CNTNAP2: variants seen among roughly 807,000 people sequenced by gnomAD.
The protein encoded by CNTNAP2 is contactin associated protein 2.
Under a neutral mutation model 155.2 loss-of-function variants are expected in CNTNAP2, and 98 were observed. The ratio of observed to expected loss-of-function variants is 0.63; its 90% CI spans 0.54 to 0.75. The LOEUF is 0.75. Among genes scored for constraint, CNTNAP2 ranks in the 30% least tolerant of loss-of-function variants. CNTNAP2 has a pLI of 0.00. For missense variants in CNTNAP2, 1,727 were observed against 1,688.1 expected (o/e 1.02, Z -0.40); for synonymous variants, 651 against 631.2 (o/e 1.03, Z -0.47).
chr7:146,803,381 A>T (rs1475687667), intron 2 of CNTNAP2, among the ~76,000 whole-genome samples: 1 of 152,218 alleles, frequency 6.6e-6, no homozygotes, highest in East Asian at 1.9e-4. Context: ...TAGTTGCAAG[A>T]ACACAGGGTG....
intron 3 of CNTNAP2, among the ~76,000 whole-genome samples, chr7:147,024,401 A>G (rs996207217): frequency 5.3e-5 from 8 of 152,134 alleles, no homozygotes; most frequent in African/African-American, 1.2e-4. Flanking sequence ...GACAATGCCA[A>G]TTTTCTGGCT....
intron 1 of CNTNAP2, among the ~76,000 whole-genome samples, chr7:146,472,403 T>G (rs1005036803): frequency 2.6e-5 from 4 of 152,230 alleles, no homozygotes; most frequent in Admixed American, 6.5e-5. Flanking sequence ...AACGGATTTC[T>G]GAACTAAACA....
At chr7:147,842,202 C>G (rs1233359995) in intron 13 of CNTNAP2, among the ~76,000 whole-genome samples, 1 of 152,206 alleles carries the variant, frequency 6.6e-6, no homozygotes, top group Non-Finnish European at 1.5e-5. Flanking sequence ...AAGTGAAATA[C>G]TTTACCAAAG....
At chr7:148,111,356 C>T (rs560673116) in intron 15 of CNTNAP2, among the ~76,000 whole-genome samples, 1 of 151,482 alleles carries the variant, frequency 6.6e-6, no homozygotes, top group East Asian at 1.9e-4. Flanking sequence ...ATATTGCCTC[C>T]AAAAAAATTA....
At position 147,933,085 on chromosome 7, in the gene CNTNAP2, G is replaced by T. The variant is rs111471104; in HGVS notation, c.2255+29364G>T. Among the ~76,000 whole-genome samples, 132 of 151,118 alleles carry T rather than the reference G, an allele frequency of 8.7e-4. 2 individuals are homozygous for T. The East Asian group carries it at 8.8e-3, about 10-fold the overall frequency. On this transcript the variant is annotated intron_variant, in intron 14 of 23. Transcript: ENST00000361727. ...TGTTTGTTTGTTTGTTTGTTTGTTT[G>T]TTTGTTTGTTTTGAGACAGAATCTT...
At chr7:147,023,611 C>G (rs1015834454) in intron 3 of CNTNAP2, among the ~76,000 whole-genome samples, 2 of 152,180 alleles carry the variant, frequency 1.3e-5, no homozygotes, top group African/African-American at 4.8e-5. Flanking sequence ...CTAGCAACCA[C>G]TAATTTCTTG....
At chr7:147,671,427 A>G (rs1167246548) in intron 13 of CNTNAP2, among the ~76,000 whole-genome samples, 3 of 152,238 alleles carry the variant, frequency 2.0e-5, no homozygotes, top group Non-Finnish European at 4.4e-5. Flanking sequence ...TCCTTCAGCT[A>G]TAGACACAGA....
intron 18 of CNTNAP2, among the ~76,000 whole-genome samples, chr7:148,203,277 T>C (rs1368578599): frequency 1.3e-5 from 2 of 152,180 alleles, no homozygotes; most frequent in African/African-American, 2.4e-5. Flanking sequence ...ACAGTGTACA[T>C]TGCATACCTA....
intron 8 of CNTNAP2, among the ~76,000 whole-genome samples, chr7:147,236,938 G>C (rs1312882158): frequency 6.6e-6 from 1 of 151,550 alleles, no homozygotes; most frequent in Admixed American, 6.6e-5. Context: ...TTCTTAAAAG[G>C]CTTTAGGTAA....
chr7:146,533,703 A>G (rs960128970), intron 1 of CNTNAP2, among the ~76,000 whole-genome samples: 3 of 151,990 alleles, frequency 2.0e-5, no homozygotes, highest in Admixed American at 2.0e-4. Context: ...CATCTGTGTC[A>G]TTTCCCTGTC....
chr7:147,053,491 C>G (rs955720098), intron 4 of CNTNAP2, among the ~76,000 whole-genome samples: 2 of 151,970 alleles, frequency 1.3e-5, no homozygotes, highest in African/African-American at 4.8e-5. Flanking sequence ...TAATATGTCA[C>G]TGATATAGAG....
Position 146,658,401 on chromosome 7 carries a change from C to T in CNTNAP2, c.98-115870C>T, listed in dbSNP as rs569596673. Among the ~76,000 whole-genome samples, 49 of 146,222 alleles carry T rather than the reference C, an allele frequency of 3.4e-4. No homozygotes were observed. The East Asian group carries it at 7.4e-3, about 22-fold the overall frequency. ...ATTTCTGCCAAAAAAAAAAAAAATA[C>T]GAAGTTTGCATTAATGAAAGCAGAG... On this transcript the variant is annotated intron_variant, in intron 1 of 23. Coordinates refer to ENST00000361727, the MANE Select transcript of CNTNAP2 (RefSeq NM_014141.6).
chr7:146,171,746 T>TAA (rs1798394031), intron 1 of CNTNAP2, among the ~76,000 whole-genome samples: 1 of 152,098 alleles, frequency 6.6e-6, no homozygotes, highest in Non-Finnish European at 1.5e-5. Flanking sequence ...AAAACATATA[T>TAA]AATGTGTAAA....
chr7:147,871,580 G>A (rs900116957), intron 13 of CNTNAP2, among the ~76,000 whole-genome samples: 8 of 151,962 alleles, frequency 5.3e-5, no homozygotes, highest in African/African-American at 1.9e-4. Context: ...CATTACAACC[G>A]GCTTGGCACG....
chr7:147,869,364 T>C (rs1799289631), intron 13 of CNTNAP2, among the ~76,000 whole-genome samples: 1 of 152,200 alleles, frequency 6.6e-6, no homozygotes, highest in African/African-American at 2.4e-5. Flanking sequence ...GCTTGCAGTG[T>C]AAGTTTCATA....
chr7:147,937,528 G>T (rs1199361802), intron 14 of CNTNAP2, among the ~76,000 whole-genome samples: 1 of 152,004 alleles, frequency 6.6e-6, no homozygotes, highest in African/African-American at 2.4e-5. Flanking sequence ...TATACATTCT[G>T]GTACCTTAGT....
intron 14 of CNTNAP2, among the ~76,000 whole-genome samples, chr7:147,966,771 A>C (rs1452096554): frequency 6.6e-6 from 1 of 152,184 alleles, no homozygotes; most frequent in Non-Finnish European, 1.5e-5. Context: ...CAAGGGAAAG[A>C]AACATGGATG....
chr7:147,583,531 T>TATATATATATATATATAA lies in CNTNAP2; in HGVS notation c.1897+21275_1897+21276insTATATATATATATATAAA, dbSNP rs1280154794. Among the ~76,000 whole-genome samples, 222 of 140,546 alleles carry TATATATATATATATATAA rather than the reference T, an allele frequency of 1.6e-3. 1 individual carries two copies. Among genetic ancestry groups the TATATATATATATATATAA allele is most frequent in the African/African-American group, 5.8e-3 (218 of 37,820 alleles). The allele number at this position is 140,546 out of a possible 152,430, so 92.2% of individuals were successfully genotyped here. On this transcript the variant is annotated intron_variant, in intron 12 of 23. Transcript: ENST00000361727. ...ATATATATATATATATATATATATA[T>TATATATATATATATATAA]AATGTCAAACAGATTAAAATTAGTT...
chr7:146,798,439 TCAAA>T (rs1423057902), intron 2 of CNTNAP2, among the ~76,000 whole-genome samples: 2 of 152,104 alleles, frequency 1.3e-5, no homozygotes, highest in Admixed American at 1.3e-4. Flanking sequence ...CCTTCTTGGC[TCAAA>T]CAATCCTCAT....
Sources: gnomAD v4.1 joint callset for allele counts (sites outside exome capture counted in the v4.1 genomes callset) on GRCh38, gnomAD v4.1.1 for gene constraint, MANE v1.5 for transcripts, NCBI Gene and HGNC (gene_info 2026-07-23, HGNC 2026-07-21) for gene names.